PRKCQ: variants seen among roughly 807,000 people sequenced by gnomAD.
The protein encoded by PRKCQ is protein kinase C theta.
Under a neutral mutation model 91.2 loss-of-function variants are expected in PRKCQ, and 41 were observed. That is an observed-to-expected ratio of 0.45 (90% CI 0.35 to 0.58). The LOEUF is 0.58. Ranked by LOEUF, PRKCQ falls within the 20% of genes least tolerant of loss-of-function variation. The pLI is 0.00. For synonymous variants in PRKCQ, 307 were observed against 316.9 expected, an observed-to-expected ratio of 0.97 and a Z score of 0.33; for missense variants, 673 against 896.5, an observed-to-expected ratio of 0.75 and a Z score of 3.18.
chr10:6,451,265 A>G (rs957941755), intron 15 of PRKCQ, among the ~76,000 whole-genome samples: 5 of 151,334 alleles, frequency 3.3e-5, no homozygotes, highest in African/African-American at 1.2e-4. Context: ...ATCCCACAGA[A>G]ATACAAACTA....
chr10:6,405,297 A>G, the PRKCQ span, among the ~76,000 whole-genome samples: 1 of 152,152 alleles, frequency 6.6e-6, no homozygotes, highest in Non-Finnish European at 1.5e-5. Context: ...TCTGTTTTTC[A>G]TAGTGAGAGC....
Position 6,479,138 on chromosome 10 carries a change from T to A in PRKCQ, c.1207A>T (p.Asn403Tyr). The stretch of plus-strand genomic sequence containing the variant: ...AAGGCCTTTATTGCGAAAAATTGAT[T>A]GGTTTTCTTGAATTCTGCCAGGAAG... The part of the protein sequence containing the change: ...KVFLAEFKKT[N>Y]QFFAIKALKK... Residue 403 changes from asparagine (N) to tyrosine (Y), a missense_variant, in exon 12 of 18, where the codon AAT becomes TAT. Asn to Tyr is a moderately radical substitution (Grantham distance 143). Transcript: ENST00000263125. The A allele has an allele frequency of 6.2e-7, 1 of 1,614,122 alleles. No homozygotes were observed. Among genetic ancestry groups the A allele is most frequent in the Non-Finnish European group, 8.5e-7 (1 of 1,179,996 alleles).
chr10:6,494,878 C>T (rs1837507676), intron 7 of PRKCQ, among the ~76,000 whole-genome samples: 1 of 152,190 alleles, frequency 6.6e-6, no homozygotes, highest in African/African-American at 2.4e-5. Flanking sequence ...GATGCTTCAA[C>T]TTGGATGTCC....
chr10:6,544,769 T>C lies in PRKCQ; in HGVS notation c.-9-29625A>G, dbSNP rs1839892108. Among the ~76,000 whole-genome samples the C allele has an allele frequency of 2.6e-5, 4 of 152,106 alleles. No individual in the cohort carries two copies. The South Asian group carries it at 8.3e-4, about 32-fold the overall frequency. ...CCAAGTAACTGGGACAACAGGCACG[T>C]ACCACCGCACCTGGCTAAATTTTTA... On this transcript the variant is annotated intron_variant, in intron 1 of 17. Transcript: ENST00000263125.
intron 16 of PRKCQ, among the ~76,000 whole-genome samples, chr10:6,431,789 C>G (rs892397869): frequency 5.9e-5 from 9 of 152,246 alleles, no homozygotes; most frequent in African/African-American, 2.2e-4. Context: ...GAATTACCCT[C>G]AGCTCCTGCA....
intron 12 of PRKCQ, 151 bp from the exon 13 acceptor site, chr10:6,464,555 T>C (rs1835535536): frequency 1.6e-6 from 1 of 636,806 alleles, no homozygotes; most frequent in South Asian, 2.0e-5. Flanking sequence ...CTTCAAGAGA[T>C]TCTCCCGTCA....
At chr10:6,474,129 A>C (rs626748) in intron 12 of PRKCQ, among the ~76,000 whole-genome samples, 28,653 of 152,232 alleles carry the variant, frequency 0.19, 2,832 homozygotes, top group Middle Eastern at 0.33. Context: ...TTTCTTTTTC[A>C]TAAAAGAAAA....
chr10:6,451,459 T>C (rs1340783444), intron 15 of PRKCQ, among the ~76,000 whole-genome samples: 1 of 152,050 alleles, frequency 6.6e-6, no homozygotes, highest in African/African-American at 2.4e-5. Flanking sequence ...AAAAAGAGTC[T>C]AGGACCAGAT....
At chr10:6,541,364 A>G (rs894779810) in intron 1 of PRKCQ, among the ~76,000 whole-genome samples, 7 of 152,202 alleles carry the variant, frequency 4.6e-5, no homozygotes, top group Non-Finnish European at 7.3e-5. Context: ...GTGGTCTGCT[A>G]TAAATCTGGC....
chr10:6,502,912 T>C (rs778800950), intron 4 of PRKCQ, among the ~76,000 whole-genome samples: 27 of 152,206 alleles, frequency 1.8e-4, no homozygotes, highest in Non-Finnish European at 3.4e-4. Context: ...CCCCTTAAAA[T>C]GTGTAAGTAC....
chr10:6,402,839 G>A, the PRKCQ span, among the ~76,000 whole-genome samples: 1 of 152,236 alleles, frequency 6.6e-6, no homozygotes, highest in Non-Finnish European at 1.5e-5. Flanking sequence ...GAATCCAGGA[G>A]GTGGAGGTTG....
At chr10:6,396,826 A>T in the PRKCQ span, among the ~76,000 whole-genome samples, 1 of 152,246 alleles carries the variant, frequency 6.6e-6, no homozygotes, top group South Asian at 2.1e-4. Flanking sequence ...GCTAGGTCAT[A>T]TGGTAACCAT....
At chr10:6,550,562 C>T (rs965296115) in intron 1 of PRKCQ, among the ~76,000 whole-genome samples, 2 of 152,256 alleles carry the variant, frequency 1.3e-5, no homozygotes, top group Non-Finnish European at 2.9e-5. Context: ...GCATGAACCA[C>T]TGTGCCCAGC....
rs149450116 is a variant in PRKCQ at position 6,496,995 on chromosome 10, TA to T, written c.660+39del. On this transcript the variant is annotated intron_variant, in intron 7 of 17. Coordinates refer to ENST00000263125, the MANE Select transcript of PRKCQ (RefSeq NM_006257.5). ...TGGGCTGTAACATTTAACGTTCTGA[TA>T]AAAATCACTGCACGTCAAAGAGGAG... 9.2e-4 allele frequency: 1,437 copies of T among 1,560,504 alleles called. 11 individuals carry two copies. In the African/African-American group the frequency reaches 0.015, roughly 16 times the overall value.
In PRKCQ at chr10:6,430,855, C is replaced by T. The variant is rs200797977; in HGVS notation, c.1920G>A (p.Glu640=). Reference sequence around the variant, plus strand: ...GGTCAATCTCCTTCCGTTCAAGTTCCTCCCAGTTGATCTCCCGAAACAAAG... The same window carrying T: ...GGTCAATCTCCTTCCGTTCAAGTTCTTCCCAGTTGATCTCCCGAAACAAAG... ...QHPLFREINW[E]ELERKEIDPP... is the part of the protein sequence containing the mutation. Residue 640 remains glutamate, a synonymous_variant, in exon 17 of 18, where the codon GAG becomes GAA. Coordinates refer to ENST00000263125, the MANE Select transcript of PRKCQ (RefSeq NM_006257.5). This position sits in a 1 kb window ranked among gnomAD's most constrained non-coding sequence, Gnocchi z 4.7. 982 of 1,614,194 alleles carry T rather than the reference C, an allele frequency of 6.1e-4. 17 individuals are homozygous for T. The Admixed American group carries it at 0.016, about 26-fold the overall frequency.
At chr10:6,471,114 G>A (rs555384481) in intron 12 of PRKCQ, among the ~76,000 whole-genome samples, 15 of 152,186 alleles carry the variant, frequency 9.9e-5, no homozygotes, top group Admixed American at 7.8e-4. Flanking sequence ...GAGTTAGCCA[G>A]TATGATCTAC....
intron 7 of PRKCQ, among the ~76,000 whole-genome samples, chr10:6,494,021 C>G (rs533629951): frequency 6.6e-6 from 1 of 152,210 alleles, no homozygotes; most frequent in Admixed American, 6.5e-5. Flanking sequence ...CTGCTTTTCA[C>G]GAGTCACCTT....
intron 1 of PRKCQ, among the ~76,000 whole-genome samples, chr10:6,572,921 C>T (rs1436364781): frequency 6.6e-6 from 1 of 151,948 alleles, no homozygotes; most frequent in Non-Finnish European, 1.5e-5. Flanking sequence ...TTTTAATAAT[C>T]ACCATTCTGA....
At chr10:6,485,053 C>G (rs1004905631) in intron 10 of PRKCQ, 99 bp downstream of exon 10, 131 of 1,045,938 alleles carry the variant, frequency 1.3e-4, no homozygotes, top group Non-Finnish European at 1.8e-4. Flanking sequence ...GATCACCTAT[C>G]AGACCAGGTA....
Sources: gnomAD v4.1 joint callset for allele counts (sites outside exome capture counted in the v4.1 genomes callset) on GRCh38, gnomAD v4.1.1 for gene constraint, Gnocchi (gnomAD v3.1) non-coding constraint, MANE v1.5 for transcripts, NCBI Gene and HGNC (gene_info 2026-07-23, HGNC 2026-07-21) for gene names.